Variants in ASIC2 observed in about 807,000 individuals in gnomAD.
The protein encoded by ASIC2 is acid sensing ion channel subunit 2.
Under a neutral mutation model 57.3 loss-of-function variants are expected in ASIC2, and 25 were observed. The ratio of observed to expected loss-of-function variants is 0.44; its 90% CI spans 0.32 to 0.61. The LOEUF is 0.61. ASIC2 is among the 20% of genes least tolerant of loss of function. The probability of loss-of-function intolerance (pLI) is 0.06; values close to 1 mark genes in which losing one functional copy is unlikely to be tolerated. For missense variants in ASIC2, 641 were observed against 738.1 expected (o/e 0.87, Z 1.52); for synonymous variants, 319 against 307.5 (o/e 1.04, Z -0.39).
intron 1 of ASIC2, among the ~76,000 whole-genome samples, chr17:33,788,904 G>A (rs1221317600): frequency 1.3e-5 from 2 of 152,134 alleles, no homozygotes; most frequent in Non-Finnish European, 2.9e-5. Context: ...CCTGTTGGGG[G>A]GGTTGGGAAT....
intron 1 of ASIC2, chr17:34,146,963 T>A (rs1912437811): frequency 6.6e-6 from 1 of 152,186 alleles, no homozygotes; most frequent in African/African-American, 2.4e-5. Flanking sequence ...GCCTCCCTCA[T>A]CCTGCTGCAG....
intron 1 of ASIC2, among the ~76,000 whole-genome samples, chr17:33,222,901 C>A (rs566044634): frequency 1.3e-5 from 2 of 152,244 alleles, no homozygotes; most frequent in African/African-American, 4.8e-5. Flanking sequence ...AGCCAGTTCA[C>A]ATCAGGAATC....
intron 1 of ASIC2, among the ~76,000 whole-genome samples, chr17:33,551,120 A>G (rs1178645250): frequency 6.6e-6 from 1 of 152,254 alleles, no homozygotes; most frequent in Non-Finnish European, 1.5e-5. Context: ...AGAAAAAACA[A>G]TCATATGCAA....
intron 1 of ASIC2, among the ~76,000 whole-genome samples, chr17:33,414,458 G>C (rs1424679904): frequency 1.3e-5 from 2 of 152,196 alleles, no homozygotes; most frequent in African/African-American, 4.8e-5. Flanking sequence ...GGATGAAGCT[G>C]AGCAGGCTAT....
intron 1 of ASIC2, among the ~76,000 whole-genome samples, chr17:33,789,336 G>A (rs1244711668): frequency 6.6e-6 from 1 of 152,130 alleles, no homozygotes; most frequent in Non-Finnish European, 1.5e-5. Flanking sequence ...TCCTCACTGT[G>A]GTCCAGACAT....
chr17:33,451,215 C>A (rs1007744846), intron 1 of ASIC2, among the ~76,000 whole-genome samples: 1 of 152,002 alleles, frequency 6.6e-6, no homozygotes, highest in Non-Finnish European at 1.5e-5. Flanking sequence ...CACCACTACA[C>A]CTGGCTAATT....
chr17:33,938,900 A>T (rs569942121), intron 1 of ASIC2, among the ~76,000 whole-genome samples: 1 of 152,332 alleles, frequency 6.6e-6, no homozygotes, highest in Non-Finnish European at 1.5e-5. Context: ...CCTGCTGGAA[A>T]GTGCCTCTGT....
chr17:33,978,291 G>A (rs1240436634), intron 1 of ASIC2, among the ~76,000 whole-genome samples: 1 of 152,174 alleles, frequency 6.6e-6, no homozygotes, highest in Non-Finnish European at 1.5e-5. Context: ...GGAGCTATTT[G>A]CATGCCAGCC....
chr17:34,144,322 C>A (rs1225225928), intron 1 of ASIC2, among the ~76,000 whole-genome samples: 1 of 152,162 alleles, frequency 6.6e-6, no homozygotes, highest in African/African-American at 2.4e-5. Flanking sequence ...TTATTTGTGA[C>A]AAGACCTGCA....
chr17:33,372,816 C>T (rs1049827299), intron 1 of ASIC2, among the ~76,000 whole-genome samples: 2 of 152,182 alleles, frequency 1.3e-5, no homozygotes, highest in Non-Finnish European at 2.9e-5. Context: ...GTGGGAGGTC[C>T]GTCTTGGCTG....
intron 1 of ASIC2, among the ~76,000 whole-genome samples, chr17:33,687,905 T>G (rs1201809351): frequency 2.0e-5 from 3 of 152,212 alleles, no homozygotes; most frequent in Admixed American, 1.3e-4. Context: ...CCTATAATTT[T>G]GCTGCTTCAG....
intron 1 of ASIC2, among the ~76,000 whole-genome samples, chr17:33,298,608 T>C (rs1028993391): frequency 6.6e-6 from 1 of 152,232 alleles, no homozygotes; most frequent in Admixed American, 6.5e-5. Context: ...TTTGGGTATA[T>C]ACCCAGTAAT....
At chr17:33,657,920 G>A (rs1336566141) in intron 1 of ASIC2, among the ~76,000 whole-genome samples, 2 of 152,200 alleles carry the variant, frequency 1.3e-5, no homozygotes, top group Non-Finnish European at 2.9e-5. Context: ...CCTGGGGGAA[G>A]TGTGGGCTTG....
chr17:33,037,431 A>C (rs1367982382), intron 3 of ASIC2, among the ~76,000 whole-genome samples: 1 of 135,412 alleles, frequency 7.4e-6, no homozygotes, highest in East Asian at 2.1e-4. Context: ...CATGATTCAG[A>C]TACCCCTCCA....
rs56841196 is a variant in ASIC2, at chr17:33,831,106, C to CAAAA, written c.555+324868_555+324871dup. On this transcript the variant is annotated intron_variant, in intron 1 of 9. Transcript: ENST00000359872. Reference sequence around the variant, plus strand: ...CCTGGGTGACAGAGTAAGGCTCTGTCAAAAAAAAAAAAAAAAAAAAAAAAA... The same window carrying CAAAA: ...CCTGGGTGACAGAGTAAGGCTCTGTCAAAAAAAAAAAAAAAAAAAAAAAAAAAAA... Among the ~76,000 whole-genome samples the CAAAA allele has an allele frequency of 2.2e-4, 5 of 22,964 alleles. 2 individuals are homozygous for CAAAA. Among genetic ancestry groups the CAAAA allele is most frequent in the Non-Finnish European group, 2.1e-4 (3 of 14,356 alleles). The allele number at this position is 22,964 out of a possible 152,430, so 15.1% of individuals were successfully genotyped here. A position where few individuals can be genotyped will look rare whatever the true frequency, so the allele number is the denominator to read the frequency against.
chr17:33,205,508 A>T (rs1031888628), intron 1 of ASIC2, among the ~76,000 whole-genome samples: 3 of 152,256 alleles, frequency 2.0e-5, no homozygotes, highest in Non-Finnish European at 2.9e-5. Flanking sequence ...TATAAAACAC[A>T]GTGTTCAACA....
chr17:33,043,991 CA>C (rs2091939987), intron 3 of ASIC2, among the ~76,000 whole-genome samples: 1 of 152,090 alleles, frequency 6.6e-6, no homozygotes, highest in Admixed American at 6.5e-5. Flanking sequence ...ATATCCATTG[CA>C]AAAATGTCTA....
At chr17:33,313,688 C>T (rs748383670) in intron 1 of ASIC2, among the ~76,000 whole-genome samples, 8 of 152,134 alleles carry the variant, frequency 5.3e-5, no homozygotes, top group Non-Finnish European at 1.0e-4. Flanking sequence ...AATCCCTTCT[C>T]TGGAAAGCTG....
intron 1 of ASIC2, among the ~76,000 whole-genome samples, chr17:34,099,649 G>A (rs1910751552): frequency 7.7e-6 from 1 of 129,586 alleles, no homozygotes; most frequent in African/African-American, 3.1e-5. Context: ...AAAGAAAAGA[G>A]AGGAAGGAAG....
Sources: allele counts gnomAD v4.1 joint callset (sites outside exome capture counted in the v4.1 genomes callset), GRCh38; gene constraint gnomAD v4.1.1; transcripts MANE v1.5; gene names NCBI Gene and HGNC (gene_info 2026-07-23, HGNC 2026-07-21).